CDC42SE2: variants seen among roughly 807,000 people sequenced by gnomAD.
CDC42SE2 encodes the protein CDC42 small effector protein 2.
CDC42SE2 carries 3 observed loss-of-function variants against 11.5 expected under a neutral mutation model. The ratio of observed to expected loss-of-function variants is 0.26; its 90% CI spans 0.12 to 0.67. CDC42SE2 has a LOEUF of 0.67. CDC42SE2 is among the 30% of genes least tolerant of loss of function. The pLI, the probability that CDC42SE2 is intolerant of heterozygous loss-of-function variation, is 0.80. For synonymous variants in CDC42SE2, 33 were observed against 34.8 expected, an observed-to-expected ratio of 0.95 and a Z score of 0.18; for missense variants, 82 against 106.8, an observed-to-expected ratio of 0.77 and a Z score of 1.02.
intron 1 of CDC42SE2, among the ~76,000 whole-genome samples, chr5:131,298,326 T>C (rs915959833): frequency 4.0e-5 from 6 of 151,786 alleles, no homozygotes; most frequent in Non-Finnish European, 8.8e-5. Flanking sequence ...AGTCTGGTCT[T>C]GAACTCCCGA....
intron 2 of CDC42SE2, among the ~76,000 whole-genome samples, chr5:131,331,350 T>C (rs1758415691): frequency 6.6e-6 from 1 of 152,172 alleles, no homozygotes; most frequent in African/African-American, 2.4e-5. Context: ...ATAATGCTTA[T>C]AAGAATCAAC....
chr5:131,253,903 G>A (rs957335175), intron 1 of CDC42SE2, among the ~76,000 whole-genome samples: 4 of 152,176 alleles, frequency 2.6e-5, no homozygotes, highest in African/African-American at 9.7e-5. Flanking sequence ...GTCACTTTCA[G>A]TGTTCCACCT....
intron 1 of CDC42SE2, among the ~76,000 whole-genome samples, chr5:131,301,133 C>T (rs565762942): frequency 1.1e-4 from 17 of 152,142 alleles, no homozygotes; most frequent in African/African-American, 2.2e-4. Flanking sequence ...TGTACACTAC[C>T]GTTGCTGTGG....
Position 131,324,873 on chromosome 5 carries a change from C to T in CDC42SE2, c.-286+8729C>T, listed in dbSNP as rs147659145. Reference sequence around the variant, plus strand: ...CCAGACGTTTTCAAAACATGGGGTACGAAATTTGTCAGATAAAGTTTAGAA... The same window carrying T: ...CCAGACGTTTTCAAAACATGGGGTATGAAATTTGTCAGATAAAGTTTAGAA... On this transcript the variant is annotated intron_variant, in intron 2 of 4. Coordinates refer to ENST00000505065, the MANE Select transcript of CDC42SE2 (RefSeq NM_001375635.1). Among the ~76,000 whole-genome samples the T allele has an allele frequency of 4.9e-3, 748 of 152,030 alleles. 4 individuals are homozygous for T. Among genetic ancestry groups the T allele is most frequent in the African/African-American group, 0.017 (686 of 41,466 alleles).
rs190137347 is a variant in CDC42SE2 at position 131,334,901 on chromosome 5, C to G, written c.-286+18757C>G. Among the ~76,000 whole-genome samples, 303 of 152,212 alleles carry G rather than the reference C, an allele frequency of 2.0e-3. 1 individual carries two copies. Among genetic ancestry groups the G allele is most frequent in the African/African-American group, 7.0e-3 (292 of 41,532 alleles). ...CTAGCGGTCTATCAATTTTGTTGAT[C>G]TTTTCAAAAACACCAACTCCTGGAT... On this transcript the variant is annotated intron_variant, in intron 2 of 4. Transcript: ENST00000505065.
chr5:131,262,414 T>TAA (rs34214992), upstream of CDC42SE2, among the ~76,000 whole-genome samples: 1 of 151,596 alleles, frequency 6.6e-6, no homozygotes, highest in African/African-American at 2.4e-5. Flanking sequence ...AAATTTAAAA[T>TAA]AAAAAAAATT....
upstream of CDC42SE2, among the ~76,000 whole-genome samples, chr5:131,259,880 G>A (rs371063078): frequency 1.6e-4 from 24 of 152,352 alleles, no homozygotes; most frequent in East Asian, 4.4e-3. Context: ...TGTCTGGCAC[G>A]TTGTGGTGGC....
chr5:131,243,403 T>A (rs563766667), upstream of CDC42SE2, among the ~76,000 whole-genome samples: 1 of 152,114 alleles, frequency 6.6e-6, no homozygotes, highest in East Asian at 1.9e-4. Flanking sequence ...AGTGTGAAAC[T>A]GTGAAACCCC....
intron 3 of CDC42SE2, among the ~76,000 whole-genome samples, chr5:131,367,560 ATTG>A (rs892409766): frequency 2.6e-5 from 4 of 151,954 alleles, no homozygotes; most frequent in African/African-American, 9.7e-5. Flanking sequence ...ATTTCATGGT[ATTG>A]TTCTTTTCCG....
At chr5:131,366,679 T>C (rs1421082059) in intron 3 of CDC42SE2, among the ~76,000 whole-genome samples, 1 of 152,184 alleles carries the variant, frequency 6.6e-6, no homozygotes, top group African/African-American at 2.4e-5. Flanking sequence ...AGTAATAATC[T>C]TTAAAAGAAA....
At chr5:131,330,019 G>A (rs1758387358) in intron 2 of CDC42SE2, among the ~76,000 whole-genome samples, 1 of 151,216 alleles carries the variant, frequency 6.6e-6, no homozygotes, top group South Asian at 2.1e-4. Flanking sequence ...CAATCATGAA[G>A]GTCAGGAATT....
chr5:131,246,881 C>A (rs1756598166), intron 1 of CDC42SE2, among the ~76,000 whole-genome samples: 1 of 150,662 alleles, frequency 6.6e-6, no homozygotes, highest in African/African-American at 2.4e-5. Flanking sequence ...GTAGCTGGGA[C>A]TACAGGCATG....
intron 2 of CDC42SE2, among the ~76,000 whole-genome samples, chr5:131,334,117 T>A (rs1464763483): frequency 6.6e-6 from 1 of 152,122 alleles, no homozygotes; most frequent in Non-Finnish European, 1.5e-5. Flanking sequence ...AGATAGCTCT[T>A]ATTATTTTGA....
intron 4 of CDC42SE2, among the ~76,000 whole-genome samples, chr5:131,390,560 A>G (rs1050938981): frequency 4.6e-5 from 7 of 152,074 alleles, no homozygotes; most frequent in African/African-American, 1.7e-4. Flanking sequence ...CTGTAATCCC[A>G]GCTACTAGGG....
the CDC42SE2 span, among the ~76,000 whole-genome samples, chr5:131,212,661 G>GT: frequency 1.3e-5 from 2 of 152,268 alleles, no homozygotes; most frequent in South Asian, 4.1e-4. Flanking sequence ...TCAGTGTACA[G>GT]TTACACACCA....
chr5:131,236,595 G>A, the CDC42SE2 span, among the ~76,000 whole-genome samples: 1 of 151,876 alleles, frequency 6.6e-6, no homozygotes, highest in Non-Finnish European at 1.5e-5. Context: ...GGCCAGCTAA[G>A]TTTGTATTTT....
chr5:131,320,260 T>TG (rs1758158627), intron 2 of CDC42SE2, among the ~76,000 whole-genome samples: 2 of 150,436 alleles, frequency 1.3e-5, no homozygotes, highest in South Asian at 4.2e-4. Flanking sequence ...GGCGTGGTGG[T>TG]GCATGCCTGT....
intron 2 of CDC42SE2, among the ~76,000 whole-genome samples, chr5:131,355,052 G>C (rs530687126): frequency 6.6e-6 from 1 of 152,112 alleles, no homozygotes; most frequent in South Asian, 2.1e-4. Context: ...AAATTTTTCA[G>C]ATTTAGGGTG....
the CDC42SE2 span, among the ~76,000 whole-genome samples, chr5:131,212,553 C>T: frequency 6.6e-6 from 1 of 152,176 alleles, no homozygotes; most frequent in Admixed American, 6.5e-5. Context: ...AAGCCAAAAA[C>T]TTAGTTCTAC....
Sources: gnomAD v4.1 joint callset for allele counts (sites outside exome capture counted in the v4.1 genomes callset) on GRCh38, gnomAD v4.1.1 for gene constraint, MANE v1.5 for transcripts, NCBI Gene and HGNC (gene_info 2026-07-23, HGNC 2026-07-21) for gene names.